RHBDD1: variants seen among roughly 807,000 people sequenced by gnomAD.
RHBDD1 encodes the protein rhomboid-related protein 4.
RHBDD1 carries 38 observed loss-of-function variants against 36.3 expected under a neutral mutation model. The observed-to-expected ratio is 1.05, with a 90% confidence interval of 0.81 to 1.37. The LOEUF (loss-of-function observed/expected upper bound fraction) is 1.37, where lower values mean the gene tolerates loss of function less well. RHBDD1 is among the 40% of genes most tolerant of loss of function. The pLI, the probability that RHBDD1 is intolerant of heterozygous loss-of-function variation, is 0.00. For missense variants in RHBDD1, 393 were observed against 377.6 expected, an observed-to-expected ratio of 1.04 and a Z score of -0.34; for synonymous variants, 151 against 136.5, an observed-to-expected ratio of 1.11 and a Z score of -0.74.
At chr2:226,842,268 T>C (rs1208986798) in intron 3 of RHBDD1, among the ~76,000 whole-genome samples, 2 of 152,218 alleles carry the variant, frequency 1.3e-5, no homozygotes, top group African/African-American at 4.8e-5. Context: ...TAGTCTCTTT[T>C]GCTGTGCAGA....
chr2:226,870,632 C>T (rs1944722935), intron 5 of RHBDD1, among the ~76,000 whole-genome samples: 1 of 152,076 alleles, frequency 6.6e-6, no homozygotes, highest in Non-Finnish European at 1.5e-5. Flanking sequence ...TTTTTGACAC[C>T]CCAAAGACTT....
intron 5 of RHBDD1, among the ~76,000 whole-genome samples, chr2:226,890,726 C>T (rs1257804913): frequency 6.6e-6 from 1 of 151,984 alleles, no homozygotes; most frequent in African/African-American, 2.4e-5. Flanking sequence ...CCCCATTTAC[C>T]CTGATGTGAT....
chr2:226,862,944 G>A (rs988664969), intron 3 of RHBDD1, among the ~76,000 whole-genome samples: 1 of 152,168 alleles, frequency 6.6e-6, no homozygotes, highest in Non-Finnish European at 1.5e-5. Context: ...ATAAGAGTGA[G>A]AACTCACTCA....
chr2:226,818,574 C>T, the RHBDD1 span, among the ~76,000 whole-genome samples: 3 of 151,560 alleles, frequency 2.0e-5, no homozygotes, highest in African/African-American at 4.8e-5. Flanking sequence ...GGTGTGGTGG[C>T]TCACACCTGT....
the RHBDD1 span, among the ~76,000 whole-genome samples, chr2:226,808,081 G>A: frequency 1.3e-5 from 2 of 152,134 alleles, no homozygotes; most frequent in African/African-American, 2.4e-5. Context: ...CAGGGGTAGT[G>A]GCAGAAGCAG....
At chr2:226,938,209 C>A (rs1950458677) in intron 8 of RHBDD1, among the ~76,000 whole-genome samples, 1 of 152,074 alleles carries the variant, frequency 6.6e-6, no homozygotes, top group African/African-American at 2.4e-5. Flanking sequence ...AGGTTTTTTT[C>A]ATAGATTTTT....
At chr2:226,871,182 A>T (rs1944769412) in intron 5 of RHBDD1, among the ~76,000 whole-genome samples, 1 of 152,060 alleles carries the variant, frequency 6.6e-6, no homozygotes, top group Non-Finnish European at 1.5e-5. Context: ...ATTATTTTTC[A>T]ATTTAAATTT....
chr2:226,887,710 ATG>A (rs1946349791), intron 5 of RHBDD1, among the ~76,000 whole-genome samples: 1 of 152,234 alleles, frequency 6.6e-6, no homozygotes, highest in African/African-American at 2.4e-5. Context: ...TGTCAGGTGT[ATG>A]TGTGTTTTTC....
At chr2:226,992,980 AGT>A (rs771209004) in intron 8 of RHBDD1, among the ~76,000 whole-genome samples, 4 of 152,168 alleles carry the variant, frequency 2.6e-5, no homozygotes, top group Admixed American at 6.5e-5. Flanking sequence ...TATAAAGAAG[AGT>A]GTGATGATTA....
chr2:226,823,860 C>T, the RHBDD1 span, among the ~76,000 whole-genome samples: 16 of 152,266 alleles, frequency 1.1e-4, no homozygotes, highest in East Asian at 3.9e-4. Flanking sequence ...GGGCAAGAGA[C>T]GGCAAGATGG....
intron 8 of RHBDD1, chr2:226,968,892 TG>T (rs1952906478): frequency 6.6e-6 from 1 of 152,256 alleles, no homozygotes; most frequent in African/African-American, 2.4e-5. Context: ...TTGTCATAAC[TG>T]TCCTCCAGGA....
rs191299346 is a variant in RHBDD1 at position 226,964,462 on chromosome 2, G to C, written c.857-30969G>C. Among the ~76,000 whole-genome samples, 113 of 151,940 alleles carry C rather than the reference G, an allele frequency of 7.4e-4. 1 individual carries two copies. The East Asian group carries it at 9.1e-3, about 12-fold the overall frequency. The stretch of plus-strand genomic sequence containing the variant: ...TCTCTTTCCTGGGTCTTCTTTGCAG[G>C]CCCACCCACCTCCACTTTACCTTTG... On this transcript the variant is annotated intron_variant, in intron 8 of 8. Transcript: ENST00000392062.
intron 8 of RHBDD1, chr2:226,988,461 G>T: frequency 1.3e-6 from 2 of 1,548,612 alleles, no homozygotes; most frequent in Non-Finnish European, 1.7e-6. Flanking sequence ...ATCCTTTGAG[G>T]CTGCAGGGTC....
At chr2:226,813,727 TTA>T in the RHBDD1 span, among the ~76,000 whole-genome samples, 8 of 150,686 alleles carry the variant, frequency 5.3e-5, no homozygotes, top group South Asian at 2.1e-4. Context: ...GATACTTGTG[TTA>T]TCAGTGCTCA....
intron 6 of RHBDD1, chr2:226,908,607 A>C (rs1392658902): frequency 9.1e-6 from 5 of 548,794 alleles, no homozygotes; most frequent in African/African-American, 8.6e-5. Flanking sequence ...ACACACACAC[A>C]CACACACACA....
At chr2:226,814,415 G>A in the RHBDD1 span, among the ~76,000 whole-genome samples, 1 of 152,172 alleles carries the variant, frequency 6.6e-6, no homozygotes, top group Non-Finnish European at 1.5e-5. Context: ...CCACATGGAT[G>A]ACTTTGAATA....
chr2:226,962,996 C>T (rs1326877533), intron 8 of RHBDD1, among the ~76,000 whole-genome samples: 2 of 152,060 alleles, frequency 1.3e-5, no homozygotes, highest in Admixed American at 6.5e-5. Flanking sequence ...GATTCCTTGT[C>T]GAGGTGAGTG....
chr2:226,806,404 C>T, the RHBDD1 span, among the ~76,000 whole-genome samples: 8 of 152,304 alleles, frequency 5.3e-5, no homozygotes, highest in Non-Finnish European at 1.2e-4. Context: ...TTCCCATTCC[C>T]ACCTCCATGA....
At chr2:226,840,745 C>G (rs16822746) in intron 3 of RHBDD1, among the ~76,000 whole-genome samples, 16 of 152,214 alleles carry the variant, frequency 1.1e-4, no homozygotes, top group African/African-American at 3.9e-4. Flanking sequence ...ATTTTTAATG[C>G]AAAGTCACAA....
Sources: gnomAD v4.1 joint callset for allele counts (sites outside exome capture counted in the v4.1 genomes callset) on GRCh38, gnomAD v4.1.1 for gene constraint, MANE v1.5 for transcripts, NCBI Gene and HGNC (gene_info 2026-07-23, HGNC 2026-07-21) for gene names.